The following ASTN2 variants were observed in gnomAD, a reference collection of about 807,000 sequenced individuals.
ASTN2 encodes the protein astrotactin-2.
A neutral mutation model predicts 139.8 loss-of-function variants in ASTN2; 54 were observed. The ratio of observed to expected loss-of-function variants is 0.39; its 90% CI spans 0.31 to 0.48. ASTN2 has a LOEUF of 0.48. ASTN2 is among the 20% of genes least tolerant of loss of function. The pLI is 0.95. For synonymous variants in ASTN2, 756 were observed against 719.5 expected (o/e 1.05, Z -0.81); for missense variants, 1,565 against 1,725.1 (o/e 0.91, Z 1.64).
chr9:117,414,820 A>G lies in ASTN2; in HGVS notation c.119T>C (p.Leu40Pro), dbSNP rs1457931517. The change falls in exon 1 of 23, where the codon CTC (leucine) becomes CCC (proline). Residue 40 changes from leucine to proline, a missense_variant. By Grantham distance (98) the Leu-to-Pro change is moderately conservative (BLOSUM62 -3). Around this residue, in one of 4 missense-constraint regions of ASTN2, gnomAD observed 596 missense variants for 576.8 expected, o/e 1.03. Coordinates refer to ENST00000313400, the MANE Select transcript of ASTN2 (RefSeq NM_001365068.1). The surrounding 1 kb of genome is among the most constrained non-coding windows in gnomAD (Gnocchi z 4.2). ...CAGCAGCGGCGGCGGCGGCAGCAGGAGCAGGAACAGCAGCAGCAGCGGCAG... is the reference window on the plus strand; with the variant it reads ...CAGCAGCGGCGGCGGCGGCAGCAGGGGCAGGAACAGCAGCAGCAGCGGCAG... ...PLLPLLLLFL[L>P]LLPPPPLLAG... The G allele has an allele frequency of 3.9e-5, 47 of 1,200,312 alleles. No individual in the cohort carries two copies. The Admixed American group carries it at 2.1e-3, about 55-fold the overall frequency. 74.4% of individuals were successfully genotyped at this position (1,200,312 alleles called of 1,614,324 possible). A position where few individuals can be genotyped will look rare whatever the true frequency, so the allele number is the denominator to read the frequency against.
At chr9:116,708,514 T>C (rs1349116917) in intron 16 of ASTN2, among the ~76,000 whole-genome samples, 1 of 152,148 alleles carries the variant, frequency 6.6e-6, no homozygotes, top group Non-Finnish European at 1.5e-5. Context: ...CATTTAACTT[T>C]CTTCAGGAGC....
chr9:117,158,371 C>G (rs1830474950), intron 3 of ASTN2, among the ~76,000 whole-genome samples: 1 of 152,024 alleles, frequency 6.6e-6, no homozygotes, highest in Admixed American at 6.6e-5. Context: ...AGGAAGAAGT[C>G]AAGACTGCAT....
At chr9:117,130,435 C>G (rs1230644966) in intron 4 of ASTN2, among the ~76,000 whole-genome samples, 1 of 152,138 alleles carries the variant, frequency 6.6e-6, no homozygotes, top group African/African-American at 2.4e-5. Flanking sequence ...CTTGCTCAGG[C>G]TTTCTCTCTA....
intron 10 of ASTN2, among the ~76,000 whole-genome samples, chr9:116,961,042 G>T (rs538661070): frequency 4.6e-5 from 7 of 151,868 alleles, no homozygotes; most frequent in Non-Finnish European, 7.4e-5. Flanking sequence ...GAGGTGTATT[G>T]TGGAGCCATA....
At chr9:116,619,176 C>G (rs923063203) in intron 18 of ASTN2, among the ~76,000 whole-genome samples, 3 of 152,114 alleles carry the variant, frequency 2.0e-5, no homozygotes, top group Admixed American at 2.0e-4. Flanking sequence ...CATCTTATAA[C>G]ATGATTCTTC....
At chr9:116,770,101 G>A (rs1829916409) in intron 13 of ASTN2, among the ~76,000 whole-genome samples, 1 of 96,154 alleles carries the variant, frequency 1.0e-5, no homozygotes, top group Admixed American at 1.2e-4. Context: ...GGCTCTGAGA[G>A]TTAAAAAAAA....
At chr9:116,821,158 C>G (rs937890971) in intron 11 of ASTN2, among the ~76,000 whole-genome samples, 1 of 152,098 alleles carries the variant, frequency 6.6e-6, no homozygotes, top group African/African-American at 2.4e-5. Context: ...CCTATAGGGT[C>G]TACTGCTAGA....
At chr9:116,542,069 G>A (rs1851898716) in intron 19 of ASTN2, among the ~76,000 whole-genome samples, 1 of 151,968 alleles carries the variant, frequency 6.6e-6, no homozygotes, top group Non-Finnish European at 1.5e-5. Flanking sequence ...CTTTCCTCTT[G>A]CTCCTGCTCC....
intron 2 of ASTN2, among the ~76,000 whole-genome samples, chr9:117,254,267 T>A (rs770279547): frequency 4.6e-5 from 7 of 152,298 alleles, no homozygotes; most frequent in Non-Finnish European, 1.0e-4. Flanking sequence ...ATAAAGGCTA[T>A]CATTTATTGA....
At chr9:117,101,500 GGGC>G (rs1353658667) in intron 4 of ASTN2, among the ~76,000 whole-genome samples, 1 of 152,056 alleles carries the variant, frequency 6.6e-6, no homozygotes, top group Non-Finnish European at 1.5e-5. Flanking sequence ...CTTGCTGCTT[GGGC>G]CCTTGGTTCT....
intron 3 of ASTN2, among the ~76,000 whole-genome samples, chr9:117,186,439 C>A (rs1048928021): frequency 6.6e-6 from 1 of 151,838 alleles, no homozygotes; most frequent in Admixed American, 6.6e-5. Flanking sequence ...CCCAGCTACT[C>A]GGGAGGCTGA....
At chr9:117,327,082 C>T (rs1296436427) in intron 1 of ASTN2, among the ~76,000 whole-genome samples, 3 of 152,096 alleles carry the variant, frequency 2.0e-5, no homozygotes, top group Non-Finnish European at 4.4e-5. Flanking sequence ...TCATGAAGAG[C>T]ATGCAACCTA....
chr9:117,047,785 C>T (rs566326475), intron 5 of ASTN2, among the ~76,000 whole-genome samples: 1 of 151,864 alleles, frequency 6.6e-6, no homozygotes, highest in African/African-American at 2.4e-5. Flanking sequence ...TTTTATTGTA[C>T]TTTGTATAGA....
chr9:117,208,735 G>A (rs564504274), intron 3 of ASTN2, among the ~76,000 whole-genome samples: 2 of 152,004 alleles, frequency 1.3e-5, no homozygotes, highest in African/African-American at 4.8e-5. Context: ...AACAAAATCA[G>A]CAAGAGAAAA....
intron 10 of ASTN2, among the ~76,000 whole-genome samples, chr9:116,917,598 A>G (rs1348524568): frequency 2.0e-5 from 3 of 152,216 alleles, no homozygotes; most frequent in Non-Finnish European, 4.4e-5. Context: ...GCCTCATCCC[A>G]AACCCTCTAC....
At chr9:116,649,139 C>T (rs1382381482) in intron 17 of ASTN2, among the ~76,000 whole-genome samples, 4 of 152,188 alleles carry the variant, frequency 2.6e-5, no homozygotes, top group Non-Finnish European at 5.9e-5. Flanking sequence ...TCACCATCAT[C>T]CTGTCTCCTA....
Position 117,011,925 on chromosome 9 carries a change from A to G in ASTN2, c.1424-3666T>C, listed in dbSNP as rs549685120. Among the ~76,000 whole-genome samples, 57 of 152,230 alleles carry G rather than the reference A, an allele frequency of 3.7e-4. 2 individuals carry two copies. The South Asian group carries it at 7.5e-3, about 20-fold the overall frequency. On this transcript the variant is annotated intron_variant, in intron 6 of 22. Coordinates refer to ENST00000313400, the MANE Select transcript of ASTN2 (RefSeq NM_001365068.1). ...TTTTTATGGTCCTTTTCCTCTGTCT[A>G]GAGTAGTCTGTGAATTCCTCTTTAG...
chr9:117,061,733 C>A (rs1288508749), intron 5 of ASTN2, among the ~76,000 whole-genome samples: 1 of 152,034 alleles, frequency 6.6e-6, no homozygotes, highest in Non-Finnish European at 1.5e-5. Context: ...AAATCATCAC[C>A]CTTGAACTTT....
Position 116,424,272 on chromosome 9 carries a change from T to C in ASTN2, c.*1579A>G, listed in dbSNP as rs10759837. Among the ~76,000 whole-genome samples the C allele has an allele frequency of 0.89, 135,290 of 152,200 alleles. 60,247 individuals are homozygous for C. Among genetic ancestry groups the C allele is most frequent in the Non-Finnish European group, 0.92 (62,696 of 68,022 alleles). ...TGTTGGTATGTCACCCCCTAAGCTA[T>C]CATCACCTCCTTCATGGAAAATGAC... On this transcript the variant is annotated 3_prime_UTR_variant, in exon 23 of 23. Transcript: ENST00000313400.
Sources: allele counts gnomAD v4.1 joint callset (sites outside exome capture counted in the v4.1 genomes callset), GRCh38; gene constraint gnomAD v4.1.1; regional missense constraint gnomAD v4.1.1; non-coding constraint Gnocchi (gnomAD v3.1); transcripts MANE v1.5; gene names NCBI Gene and HGNC (gene_info 2026-07-23, HGNC 2026-07-21).